Variants in TEX9 observed in about 807,000 individuals in gnomAD.
The protein encoded by TEX9 is testis expressed 9, also known as testis-expressed protein 9.
TEX9 carries 74 observed loss-of-function variants against 59.6 expected under a neutral mutation model. That is an observed-to-expected ratio of 1.24 (90% CI 1.03 to 1.51). The LOEUF (loss-of-function observed/expected upper bound fraction) is 1.51, where lower values mean the gene tolerates loss of function less well. TEX9 is among the 40% of genes most tolerant of loss of function. The probability of loss-of-function intolerance (pLI) is 0.00; values close to 1 mark genes in which losing one functional copy is unlikely to be tolerated. For missense variants in TEX9, 522 were observed against 447.8 expected (o/e 1.17, Z -1.49); for synonymous variants, 186 against 152.2 (o/e 1.22, Z -1.64).
chr15:56,367,991 C>T (rs1190037476), intron 2 of TEX9, among the ~76,000 whole-genome samples: 1 of 152,082 alleles, frequency 6.6e-6, no homozygotes, highest in African/African-American at 2.4e-5. Context: ...GATAATTCTC[C>T]TACATTCTCT....
At chr15:56,311,817 T>C (rs1455379384) in intron 1 of TEX9, among the ~76,000 whole-genome samples, 18 of 139,568 alleles carry the variant, frequency 1.3e-4, no homozygotes, top group South Asian at 2.4e-4. Context: ...TGTTTCCTGA[T>C]TTTTTAATGA....
chr15:56,356,123 A>G (rs2046679766), intron 1 of TEX9, among the ~76,000 whole-genome samples: 1 of 152,116 alleles, frequency 6.6e-6, no homozygotes, highest in South Asian at 2.1e-4. Context: ...TTATCAATTG[A>G]TTGGCCTCGT....
At chr15:56,385,147 A>T (rs1441753826) in intron 4 of TEX9, among the ~76,000 whole-genome samples, 1 of 152,152 alleles carries the variant, frequency 6.6e-6, no homozygotes, top group African/African-American at 2.4e-5. Flanking sequence ...TTTTGTCAAA[A>T]ATCAGTTGAC....
At chr15:56,425,622 TTA>T (rs1485473116) in intron 10 of TEX9, among the ~76,000 whole-genome samples, 1 of 152,154 alleles carries the variant, frequency 6.6e-6, no homozygotes, top group African/African-American at 2.4e-5. Context: ...CTGATTTCAT[TTA>T]GTTGTCAATA....
the TEX9 span, among the ~76,000 whole-genome samples, chr15:56,452,541 CAG>C: frequency 6.9e-6 from 1 of 145,318 alleles, no homozygotes; most frequent in Non-Finnish European, 1.5e-5. Flanking sequence ...TTTTTTGAGA[CAG>C]AGTCTCTCTC....
upstream of TEX9, among the ~76,000 whole-genome samples, chr15:56,361,758 A>C (rs114646664): frequency 4.0e-3 from 591 of 146,782 alleles, 7 homozygotes; most frequent in African/African-American, 0.016. Flanking sequence ...AAAAGCAGAA[A>C]CACACAGGGG....
chr15:56,427,821 G>A (rs1596242849), intron 11 of TEX9, 82 bp downstream of exon 11: 3 of 1,105,910 alleles, frequency 2.7e-6, no homozygotes, highest in Non-Finnish European at 3.7e-6. Flanking sequence ...CTTTAGGTAT[G>A]TTTTTGACAT....
chr15:56,341,311 A>T (rs1326692398), intron 1 of TEX9, among the ~76,000 whole-genome samples: 1 of 152,208 alleles, frequency 6.6e-6, no homozygotes, highest in Admixed American at 6.5e-5. Context: ...CAGCGATATT[A>T]CACAGGCCAG....
Position 56,286,511 on chromosome 15 carries a change from C to A in TEX9, c.-107+42233C>A, listed in dbSNP as rs180795008. Among the ~76,000 whole-genome samples the A allele has an allele frequency of 2.6e-5, 4 of 152,238 alleles. No individual in the cohort carries two copies. The East Asian group carries it at 7.7e-4, about 29-fold the overall frequency. On this transcript the variant is annotated intron_variant, in intron 1 of 5. Transcript: ENST00000560827. ...AGGACATAAGCAGTCTTAAAAAGAT[C>A]CCCAGGCACTAAACTGGCATAAAAG...
intron 4 of TEX9, among the ~76,000 whole-genome samples, chr15:56,385,159 G>A (rs2047904506): frequency 6.6e-6 from 1 of 152,106 alleles, no homozygotes; most frequent in East Asian, 1.9e-4. Context: ...TCAGTTGACT[G>A]CAGACATATG....
rs199724212 is a variant in TEX9, at chr15:56,365,685, G to A, written c.119+15G>A. On this transcript the variant is annotated intron_variant, in intron 2 of 12. Coordinates refer to ENST00000352903, the Ensembl canonical transcript of TEX9. ...GAAGAATATAAGTAAGAAATTCGGC[G>A]GTTGAACTTTTCCTTCTTTCTTTCA... 1.8e-4 allele frequency: 295 copies of A among 1,613,670 alleles called. No individual in the cohort carries two copies. The highest frequency in any genetic ancestry group is 6.7e-4 in the Admixed American group (40 of 59,970).
the TEX9 span, among the ~76,000 whole-genome samples, chr15:56,456,800 C>G: frequency 6.6e-6 from 1 of 151,978 alleles, no homozygotes; most frequent in East Asian, 1.9e-4. Flanking sequence ...AATCTTTTTT[C>G]TCTACCTTCC....
chr15:56,284,486 T>C (rs1281671639), intron 1 of TEX9, among the ~76,000 whole-genome samples: 1 of 152,124 alleles, frequency 6.6e-6, no homozygotes, highest in Non-Finnish European at 1.5e-5. Context: ...TAAAAATGCC[T>C]GTGTTATATA....
chr15:56,399,885 A>G (rs549723270), intron 9 of TEX9, among the ~76,000 whole-genome samples: 35 of 152,328 alleles, frequency 2.3e-4, no homozygotes, highest in African/African-American at 7.9e-4. Context: ...AGAACTGCAG[A>G]TGAGGGACCT....
chr15:56,337,097 C>A (rs1177764038), intron 1 of TEX9, among the ~76,000 whole-genome samples: 2 of 152,118 alleles, frequency 1.3e-5, no homozygotes, highest in Non-Finnish European at 1.5e-5. Context: ...TCTAGTTAGT[C>A]TTTTTTTCCT....
chr15:56,395,003 C>G (rs2048394926), intron 9 of TEX9, 169 bp downstream of exon 9: 1 of 680,632 alleles, frequency 1.5e-6, no homozygotes, highest in African/African-American at 1.8e-5. Flanking sequence ...AGATGTAATT[C>G]ACCCTTTTAA....
In TEX9 at chr15:56,341,230, A is replaced by G. The variant is rs962732134; in HGVS notation, c.-106-32211A>G. On this transcript the variant is annotated intron_variant, in intron 1 of 5. Coordinates refer to the TEX9 transcript ENST00000560827. ...TTTTTTCCTTCTCTTCAAAGCATTCATGGTGCTTAGCAACAGTTATGCAAT... is the reference window on the plus strand; with the variant it reads ...TTTTTTCCTTCTCTTCAAAGCATTCGTGGTGCTTAGCAACAGTTATGCAAT... 2.6e-5 allele frequency among the ~76,000 whole-genome samples: 4 copies of G among 152,062 alleles called. No homozygotes were observed. In the East Asian group the frequency reaches 5.8e-4, roughly 22 times the overall value.
chr15:56,347,191 A>G (rs572329565), intron 1 of TEX9, among the ~76,000 whole-genome samples: 11 of 152,332 alleles, frequency 7.2e-5, no homozygotes, highest in African/African-American at 2.6e-4. Flanking sequence ...AATTCCTGTC[A>G]CAATCCCAGC....
chr15:56,382,444 C>G (rs1277341826), intron 3 of TEX9, among the ~76,000 whole-genome samples: 2 of 152,146 alleles, frequency 1.3e-5, no homozygotes, highest in Non-Finnish European at 2.9e-5. Flanking sequence ...TTCACTGTAG[C>G]CACTACAACT....
Sources: gnomAD v4.1 joint callset for allele counts (sites outside exome capture counted in the v4.1 genomes callset) on GRCh38, gnomAD v4.1.1 for gene constraint, MANE v1.5 for transcripts, NCBI Gene and HGNC (gene_info 2026-07-23, HGNC 2026-07-21) for gene names.